Variants in PRKN observed in about 807,000 individuals in gnomAD.
The protein encoded by PRKN is E3 ubiquitin-protein ligase parkin.
In PRKN, 56 loss-of-function variants were observed where a neutral mutation model predicts 59.5. The observed-to-expected ratio is 0.94, with a 90% CI of 0.76 to 1.18. The LOEUF (loss-of-function observed/expected upper bound fraction) is 1.18, where lower values mean the gene tolerates loss of function less well. Ranked by LOEUF, PRKN falls within the 50% of genes most tolerant of loss-of-function variation. The probability of loss-of-function intolerance (pLI) is 0.00; values close to 1 mark genes in which losing one functional copy is unlikely to be tolerated. For missense variants in PRKN, 657 were observed against 596.4 expected, an observed-to-expected ratio of 1.10 and a Z score of -1.06; for synonymous variants, 250 against 222.1, an observed-to-expected ratio of 1.13 and a Z score of -1.12.
intron 2 of PRKN, among the ~76,000 whole-genome samples, chr6:162,369,210 A>G (rs1446507868): frequency 6.6e-6 from 1 of 152,222 alleles, no homozygotes; most frequent in African/African-American, 2.4e-5. Context: ...ACTTTCTGGA[A>G]TAAGTTCTTT....
At chr6:162,342,391 T>A (rs996877106) in intron 2 of PRKN, among the ~76,000 whole-genome samples, 3 of 152,194 alleles carry the variant, frequency 2.0e-5, no homozygotes, top group African/African-American at 4.8e-5. Context: ...AAGCTATTGA[T>A]CTGTGAATTA....
At chr6:162,610,653 CAAG>C (rs71698233) in intron 1 of PRKN, among the ~76,000 whole-genome samples, 28,011 of 152,014 alleles carry the variant, frequency 0.18, 3,210 homozygotes, top group East Asian at 0.49. Context: ...TCTCAATTTA[CAAG>C]AAGATGTAAC....
intron 5 of PRKN, among the ~76,000 whole-genome samples, chr6:162,039,506 C>A (rs117536460): frequency 0.044 from 6,644 of 152,070 alleles, 196 homozygotes; most frequent in Non-Finnish European, 0.064. Flanking sequence ...CTGGCACCTC[C>A]TTCTCTCTCT....
intron 1 of PRKN, among the ~76,000 whole-genome samples, chr6:162,556,362 T>TGTGTGTGTGTGTGTGTGTGTGTGC: frequency 1.2e-5 from 1 of 86,330 alleles, no homozygotes; most frequent in African/African-American, 3.6e-5. Flanking sequence ...TGTGTGTGTG[T>TGTGTGTGTGTGTGTGTGTGTGTGC]GTGTGTGTGT....
chr6:162,097,442 T>A (rs550888368), intron 4 of PRKN, among the ~76,000 whole-genome samples: 6 of 152,318 alleles, frequency 3.9e-5, no homozygotes, highest in African/African-American at 1.4e-4. Context: ...TGAGGTAATT[T>A]TCCCAAATAC....
chr6:161,968,298 C>T (rs1463311574), intron 6 of PRKN, among the ~76,000 whole-genome samples: 1 of 151,674 alleles, frequency 6.6e-6, no homozygotes, highest in East Asian at 1.9e-4. Context: ...CTCAGCCTCC[C>T]AAAGTGCTGG....
At chr6:162,010,756 A>ATATATATAATATATTATATAATATAT (rs1782561665) in intron 5 of PRKN, among the ~76,000 whole-genome samples, 1 of 4,040 alleles carries the variant, frequency 2.5e-4, no homozygotes, top group Non-Finnish European at 2.9e-4. Flanking sequence ...ATAATATACA[A>ATATATATAATATATTATATAATATAT]TATATAATAT....
chr6:161,737,893 G>GT (rs749986983), intron 7 of PRKN, among the ~76,000 whole-genome samples: 4 of 152,164 alleles, frequency 2.6e-5, no homozygotes, highest in Non-Finnish European at 5.9e-5. Context: ...TACATCCAGC[G>GT]TATCACATAT....
At chr6:161,829,346 A>G (rs955526302) in intron 6 of PRKN, among the ~76,000 whole-genome samples, 2 of 152,350 alleles carry the variant, frequency 1.3e-5, no homozygotes, top group South Asian at 4.1e-4. Flanking sequence ...TCTGGTCTGC[A>G]GGGCTTTCTT....
intron 3 of PRKN, among the ~76,000 whole-genome samples, chr6:162,208,179 A>T (rs1253664730): frequency 2.0e-5 from 3 of 152,174 alleles, no homozygotes; most frequent in Non-Finnish European, 4.4e-5. Flanking sequence ...AACACTCTTC[A>T]CTCCAAACCT....
chr6:162,162,965 G>A (rs1232971147), intron 4 of PRKN, among the ~76,000 whole-genome samples: 3 of 148,780 alleles, frequency 2.0e-5, no homozygotes, highest in Admixed American at 2.0e-4. Flanking sequence ...CCGAGATCGT[G>A]CCACTGTACT....
chr6:162,658,619 C>T (rs1778748816), intron 1 of PRKN, among the ~76,000 whole-genome samples: 1 of 136,554 alleles, frequency 7.3e-6, no homozygotes, highest in Non-Finnish European at 1.5e-5. Flanking sequence ...CGAGACAGTG[C>T]CATTGCACTA....
At chr6:161,782,327 C>A (rs1790240182) in intron 7 of PRKN, among the ~76,000 whole-genome samples, 1 of 152,032 alleles carries the variant, frequency 6.6e-6, no homozygotes, top group Non-Finnish European at 1.5e-5. Flanking sequence ...TGTGTATAAT[C>A]TACTTTCTAC....
At chr6:162,008,825 C>A (rs1206363302) in intron 5 of PRKN, among the ~76,000 whole-genome samples, 1 of 152,012 alleles carries the variant, frequency 6.6e-6, no homozygotes, top group East Asian at 1.9e-4. Flanking sequence ...GGGATTTTAA[C>A]AGGAAAGATA....
chr6:161,376,545 G>A lies in PRKN; in HGVS notation c.1167+10249C>T, dbSNP rs986658789. ...ATCCCCTCCTCTGTATTCCCTGGCC[G>A]GATTCCTGGTGCCTGGTGTGTCTCT... On this transcript the variant is annotated intron_variant, in intron 10 of 11. Transcript: ENST00000366898. The surrounding 1 kb of genome is among the most constrained non-coding windows in gnomAD (Gnocchi z 7.3). Among the ~76,000 whole-genome samples the A allele has an allele frequency of 1.4e-4, 22 of 152,250 alleles. No homozygotes were observed. The highest frequency in any genetic ancestry group is 4.8e-4 in the African/African-American group (20 of 41,558).
rs568096517 is a variant in PRKN at position 161,621,193 on chromosome 6, A to G, written c.872-51777T>C. ...CAGAGAGACAGAAGCAATAGGATAG[A>G]TCTTTAGGTAGATAAAGATACATAT... On this transcript the variant is annotated intron_variant, in intron 7 of 11. Transcript: ENST00000366898. Among the ~76,000 whole-genome samples, 13 of 152,274 alleles carry G rather than the reference A, an allele frequency of 8.5e-5. No individual in the cohort carries two copies. In the South Asian group the frequency reaches 2.7e-3, roughly 32 times the overall value.
intron 6 of PRKN, among the ~76,000 whole-genome samples, chr6:161,885,460 A>G (rs13205858): frequency 1.6e-4 from 25 of 152,048 alleles, no homozygotes; most frequent in East Asian, 7.8e-4. Context: ...GTCAGGAGAT[A>G]GAGACCATCC....
At chr6:162,717,353 G>A (rs544631249) in intron 1 of PRKN, among the ~76,000 whole-genome samples, 2 of 152,222 alleles carry the variant, frequency 1.3e-5, no homozygotes, top group South Asian at 4.1e-4. Flanking sequence ...GAGGTGGGAA[G>A]ATGACTTGAG....
chr6:161,556,554 C>T (rs556002545), intron 8 of PRKN, among the ~76,000 whole-genome samples: 61 of 152,182 alleles, frequency 4.0e-4, no homozygotes, highest in African/African-American at 1.2e-3. Flanking sequence ...AAGTTGAAAG[C>T]GCATTAATGG....
Sources: allele counts gnomAD v4.1 joint callset (sites outside exome capture counted in the v4.1 genomes callset), GRCh38; gene constraint gnomAD v4.1.1; non-coding constraint Gnocchi (gnomAD v3.1); transcripts MANE v1.5; gene names NCBI Gene and HGNC (gene_info 2026-07-23, HGNC 2026-07-21).